MGAM: variants seen among roughly 807,000 people sequenced by gnomAD.
MGAM encodes maltase-glucoamylase.
In MGAM, 253 loss-of-function variants were observed where a neutral mutation model predicts 358.8. The observed-to-expected ratio is 0.71, with a 90% CI of 0.64 to 0.78. The LOEUF is 0.78. Ranked by LOEUF, MGAM falls within the 30% of genes least tolerant of loss-of-function variation. The pLI, the probability that MGAM is intolerant of heterozygous loss-of-function variation, is 0.00. For missense variants in MGAM, 3,080 were observed against 3,432.6 expected (o/e 0.90, Z 2.57); for synonymous variants, 1,105 against 1,227.1 (o/e 0.90, Z 2.08).
chr7:142,023,636 G>A (rs1250555014), intron 7 of MGAM, among the ~76,000 whole-genome samples: 4 of 151,966 alleles, frequency 2.6e-5, no homozygotes, highest in Admixed American at 6.6e-5. Flanking sequence ...CCGAGATCGC[G>A]CCACTGCACT....
At chr7:142,102,785 T>C in intron 69 of MGAM, 106 bp downstream of exon 69, 1 of 1,110,118 alleles carries the variant, frequency 9.0e-7, no homozygotes, top group Non-Finnish European at 1.3e-6. Flanking sequence ...ATTGCTCATC[T>C]TGCTAATTCA....
intron 30 of MGAM, among the ~76,000 whole-genome samples, chr7:142,057,330 G>T (rs1270981477): frequency 6.6e-6 from 1 of 150,922 alleles, no homozygotes; most frequent in Non-Finnish European, 1.5e-5. Flanking sequence ...GTGGTAATGG[G>T]TGTGTTGGTG....
intron 14 of MGAM, among the ~76,000 whole-genome samples, 182 bp from the exon 15 acceptor site, chr7:142,034,080 A>G (rs1807750413): frequency 6.6e-6 from 1 of 152,206 alleles, no homozygotes; most frequent in Non-Finnish European, 1.5e-5. Context: ...AGCAGAATTC[A>G]TTTATATATC....
chr7:142,038,470 G>A, intron 18 of MGAM, 61 bp from the exon 19 acceptor site: 2 of 1,289,046 alleles, frequency 1.6e-6, no homozygotes, highest in East Asian at 4.9e-5. Context: ...TGTGAGTAGA[G>A]CTGCTACAAA....
At chr7:141,992,343 A>G (rs531703726), upstream of MGAM, among the ~76,000 whole-genome samples, 5 of 152,246 alleles carry the variant, frequency 3.3e-5, no homozygotes, top group East Asian at 9.7e-4. Context: ...CCCTGTTCGG[A>G]TCTGGAACTC....
chr7:142,049,621 T>A (rs1810744805), intron 22 of MGAM, among the ~76,000 whole-genome samples: 1 of 151,938 alleles, frequency 6.6e-6, no homozygotes, highest in African/African-American at 2.4e-5. Context: ...AATGACCCAA[T>A]TAAAAAGTGG....
chr7:141,996,022 C>T (rs1349851759), intron 1 of MGAM, 92 bp downstream of exon 1: 4 of 152,034 alleles, frequency 2.6e-5, no homozygotes, highest in African/African-American at 9.7e-5. Context: ...GTCAAAATGC[C>T]CTTGTTGGCC....
At chr7:142,056,324 G>A (rs765155827) in intron 29 of MGAM, among the ~76,000 whole-genome samples, 1 of 152,216 alleles carries the variant, frequency 6.6e-6, no homozygotes, top group East Asian at 1.9e-4. Context: ...AGAAGGGATA[G>A]TAACACCACA....
Position 142,065,816 on chromosome 7 carries a change from T to A in MGAM, c.4755T>A (p.Asn1585Lys). ...TTTACCCCTTCTCAAGAAACCACAATACCATTGGGACCAGGGTAGGACAGT... is the reference window on the plus strand; with the variant it reads ...TTTACCCCTTCTCAAGAAACCACAAAACCATTGGGACCAGGGTAGGACAGT... ...GAFYPFSRNH[N>K]TIGTRRQDPV... is the part of the protein sequence containing the mutation. The change falls in exon 40 of 71, where the codon AAT becomes AAA. Residue 1585 changes from asparagine to lysine, a missense_variant. By Grantham distance (94) the Asn-to-Lys change is moderately conservative. Around this residue, in one of 5 missense-constraint regions of MGAM, gnomAD observed 134 missense variants for 198.4 expected, o/e 0.68. Transcript: ENST00000475668. 6.7e-7 allele frequency: 1 copy of A among 1,490,656 alleles called. No individual in the cohort carries two copies. The highest frequency in any genetic ancestry group is 9.3e-7 in the Non-Finnish European group (1 of 1,073,364). The allele number at this position is 1,490,656 out of a possible 1,614,324, so 92.3% of individuals were successfully genotyped here.
At chr7:142,021,215 C>G (rs1806427664) in intron 5 of MGAM, 132 bp downstream of exon 5, 2 of 640,818 alleles carry the variant, frequency 3.1e-6, no homozygotes. Flanking sequence ...TTAATTAGCA[C>G]CTGTATGTTA....
rs754314809 is a variant in MGAM at position 142,083,407 on chromosome 7, C to T, written c.6375C>T (p.Tyr2125=). The T allele has an allele frequency of 6.9e-5, 107 of 1,543,186 alleles. 17 individuals are homozygous for T. The highest frequency in any genetic ancestry group is 9.0e-5 in the Non-Finnish European group (101 of 1,123,632). ...CTCCAGAGCTTGTCACCCAGCAGTA[C>T]ACTGAGGTAGGGAGAAATCCAATTG... ...GPTPELVTQQ[Y]TELIGRPVMV... is the part of the protein sequence containing the mutation. The change falls in exon 53 of 71, where the codon TAC becomes TAT. Residue 2125 remains tyrosine (Y), a synonymous_variant. Transcript: ENST00000475668.
intron 3 of MGAM, among the ~76,000 whole-genome samples, chr7:142,009,608 T>C (rs1805444624): frequency 6.6e-6 from 1 of 152,190 alleles, no homozygotes; most frequent in Non-Finnish European, 1.5e-5. Context: ...GTAAGATCTT[T>C]TGATAAATAC....
chr7:142,097,315 G>A (rs1052623559), intron 65 of MGAM, among the ~76,000 whole-genome samples: 2 of 150,550 alleles, frequency 1.3e-5, no homozygotes, highest in African/African-American at 4.9e-5. Context: ...AGAGGGAATG[G>A]CGTAAGCCTA....
chr7:142,080,435 C>T lies in MGAM; in HGVS notation c.5848-356C>T, dbSNP rs1007162351. On this transcript the variant is annotated intron_variant, in intron 49 of 70. Transcript: ENST00000475668. ...AAATAGATTTCACTTTGGGGAGACACGTTATTTTTCAATTCAGAAAAGTTT... is the reference window on the plus strand; with the variant it reads ...AAATAGATTTCACTTTGGGGAGACATGTTATTTTTCAATTCAGAAAAGTTT... 4.1e-5 allele frequency among the ~76,000 whole-genome samples: 6 copies of T among 146,186 alleles called. 1 individual carries two copies. Among genetic ancestry groups the T allele is most frequent in the East Asian group, 2.0e-4 (1 of 4,946 alleles).
rs759330207 is a variant in MGAM at position 142,082,107 on chromosome 7, C to T, written c.6068C>T (p.Pro2023Leu). ...TTTATCCGCATCTCCACCCGCCTTC[C>T]CTCCAAGTACCTCTATGGCTTTGGG... ...DMFIRISTRLPSKYLYGFGET... is the reference protein window; with the variant it reads ...DMFIRISTRLLSKYLYGFGET... Residue 2023 changes from proline (P) to leucine (L), a missense_variant, in exon 51 of 71, where the codon CCC becomes CTC. This residue lies in a region of MGAM where 932 missense variants were observed against 1,198.2 expected (regional missense o/e 0.78). Transcript: ENST00000475668. The T allele has an allele frequency of 6.4e-7, 1 of 1,555,776 alleles. No individual in the cohort carries two copies. The highest frequency in any genetic ancestry group is 1.3e-5 in the African/African-American group (1 of 74,488).
intron 3 of MGAM, among the ~76,000 whole-genome samples, chr7:142,011,791 T>C: frequency 6.6e-6 from 1 of 152,142 alleles, no homozygotes; most frequent in Admixed American, 6.6e-5. Flanking sequence ...TTCACCACAG[T>C]CTGATTTGGG....
Position 142,098,470 on chromosome 7 carries a change from A to G in MGAM, c.7749+821A>G, listed in dbSNP as rs187690086. The stretch of plus-strand genomic sequence containing the variant: ...AGCAAAGGGGTACAAGCAGGGATAC[A>G]GGAAGCAGAGCATGTGCTGGCCCCT... On this transcript the variant is annotated intron_variant, in intron 66 of 70. Transcript: ENST00000475668. 1.2e-4 allele frequency among the ~76,000 whole-genome samples: 19 copies of G among 152,254 alleles called. 1 individual carries two copies. Among genetic ancestry groups the G allele is most frequent in the Admixed American group, 5.9e-4 (9 of 15,294 alleles).
chr7:142,060,059 T>C (rs4445145), intron 33 of MGAM, 93 bp downstream of exon 33: 1 of 1,351,196 alleles, frequency 7.4e-7, no homozygotes, highest in East Asian at 2.5e-5. Context: ...CTGTGTATGT[T>C]ATTTTTGGCC....
chr7:142,019,923 G>A (rs562916474), intron 4 of MGAM, among the ~76,000 whole-genome samples: 2 of 152,272 alleles, frequency 1.3e-5, no homozygotes, highest in Non-Finnish European at 2.9e-5. Context: ...ATAAAAATTA[G>A]CCAGGTGTAG....
Sources: gnomAD v4.1 joint callset for allele counts (sites outside exome capture counted in the v4.1 genomes callset) on GRCh38, gnomAD v4.1.1 for gene constraint, gnomAD v4.1.1 regional missense constraint, MANE v1.5 for transcripts, NCBI Gene and HGNC (gene_info 2026-07-23, HGNC 2026-07-21) for gene names.